The following PDSS2 variants were observed in gnomAD, a reference collection of about 807,000 sequenced individuals.
PDSS2 encodes decaprenyl diphosphate synthase subunit 2.
A neutral mutation model predicts 44.5 loss-of-function variants in PDSS2; 31 were observed. That is an observed-to-expected ratio of 0.70 (90% CI 0.52 to 0.94). The LOEUF (loss-of-function observed/expected upper bound fraction) is 0.94. Among genes scored for constraint, PDSS2 ranks in the 40% least tolerant of loss-of-function variants. The pLI, the probability that PDSS2 is intolerant of heterozygous loss-of-function variation, is 0.00. For missense variants in PDSS2, 452 were observed against 482.2 expected (o/e 0.94, Z 0.59); for synonymous variants, 157 against 180.3 (o/e 0.87, Z 1.03).
intron 2 of PDSS2, among the ~76,000 whole-genome samples, chr6:107,322,292 GGTGGATCACTTGAGGCCAGGAGTTT>G (rs2115177167): frequency 6.6e-6 from 1 of 152,100 alleles, no homozygotes; most frequent in South Asian, 2.1e-4. Flanking sequence ...GGCCAAGGCA[GGTGGATCACTTGAGGCCAGGAGTTT>G]GAGCCCAGCC....
rs1582743166 is a variant in PDSS2, at chr6:107,178,534, A to G, written c.1041+15288T>C. On this transcript the variant is annotated intron_variant, in intron 7 of 7. Coordinates refer to ENST00000369037, the MANE Select transcript of PDSS2 (RefSeq NM_020381.4). ...TTATCAGCTTAAAGTCACAATAATT[A>G]TTACACTGGTTCAGCAAACATAAAT... Among the ~76,000 whole-genome samples the G allele has an allele frequency of 5.9e-5, 9 of 152,362 alleles. No homozygotes were observed. The South Asian group carries it at 1.9e-3, about 32-fold the overall frequency.
intron 2 of PDSS2, among the ~76,000 whole-genome samples, chr6:107,326,135 C>T (rs1359712978): frequency 1.1e-4 from 16 of 142,294 alleles, no homozygotes; most frequent in Non-Finnish European, 2.1e-4. Context: ...CAGAGTCTTG[C>T]TCTGTTGCCC....
At chr6:107,301,519 T>C (rs966360275) in intron 2 of PDSS2, among the ~76,000 whole-genome samples, 1 of 152,174 alleles carries the variant, frequency 6.6e-6, no homozygotes, top group Admixed American at 6.5e-5. Context: ...TTTATATACC[T>C]TGGAGAACAC....
intron 1 of PDSS2, among the ~76,000 whole-genome samples, chr6:107,429,902 ATATAT>A (rs1211725065): frequency 0.055 from 2,471 of 44,580 alleles, 307 homozygotes; most frequent in Middle Eastern, 0.16. Flanking sequence ...AAAAAAAAAA[ATATAT>A]ATATATATAT....
At chr6:107,404,073 T>C (rs1231692595) in intron 1 of PDSS2, among the ~76,000 whole-genome samples, 1 of 152,208 alleles carries the variant, frequency 6.6e-6, no homozygotes, top group Non-Finnish European at 1.5e-5. Flanking sequence ...TAGAAATTTC[T>C]TCCACCAGAT....
intron 7 of PDSS2, among the ~76,000 whole-genome samples, chr6:107,174,280 G>A (rs1319180661): frequency 6.6e-6 from 1 of 152,180 alleles, no homozygotes; most frequent in Non-Finnish European, 1.5e-5. Flanking sequence ...ATGTGCTTCA[G>A]GGGACAGAAC....
At chr6:107,350,624 G>T (rs1246644356) in intron 1 of PDSS2, among the ~76,000 whole-genome samples, 1 of 152,056 alleles carries the variant, frequency 6.6e-6, no homozygotes, top group Admixed American at 6.6e-5. Flanking sequence ...AAAATAGTGA[G>T]ATCTCATCTC....
chr6:107,280,373 T>G (rs541522473), intron 2 of PDSS2, among the ~76,000 whole-genome samples: 27 of 152,306 alleles, frequency 1.8e-4, no homozygotes, highest in Non-Finnish European at 2.8e-4. Flanking sequence ...TCATGCTAAC[T>G]CTTGATTAGA....
intron 1 of PDSS2, among the ~76,000 whole-genome samples, chr6:107,392,502 T>C (rs1779815911): frequency 6.6e-6 from 1 of 152,232 alleles, no homozygotes; most frequent in Non-Finnish European, 1.5e-5. Flanking sequence ...CATTTTCTTA[T>C]TAGATACAAT....
At chr6:107,246,639 C>A (rs1468049402) in intron 3 of PDSS2, among the ~76,000 whole-genome samples, 1 of 152,128 alleles carries the variant, frequency 6.6e-6, no homozygotes, top group Non-Finnish European at 1.5e-5. Context: ...ATCTCAGGTA[C>A]CCTGGGTTTA....
At chr6:107,447,274 T>C (rs529592274) in intron 1 of PDSS2, among the ~76,000 whole-genome samples, 3 of 152,040 alleles carry the variant, frequency 2.0e-5, no homozygotes, top group South Asian at 4.2e-4. Flanking sequence ...AGGCAGAGCT[T>C]GCAGTGAGCC....
chr6:107,177,151 G>C (rs1262577374), intron 7 of PDSS2, among the ~76,000 whole-genome samples: 1 of 137,658 alleles, frequency 7.3e-6, no homozygotes, highest in Non-Finnish European at 1.5e-5. Context: ...TTTTTTTTGG[G>C]AGACAGGGTC....
rs561190363 is a variant in PDSS2 at position 107,223,175 on chromosome 6, C to T, written c.703-10893G>A. Among the ~76,000 whole-genome samples, 6 of 150,804 alleles carry T rather than the reference C, an allele frequency of 4.0e-5. No individual in the cohort carries two copies. In the South Asian group the frequency reaches 8.3e-4, roughly 21 times the overall value. On this transcript the variant is annotated intron_variant, in intron 4 of 7. Coordinates refer to ENST00000369037, the MANE Select transcript of PDSS2 (RefSeq NM_020381.4). ...CGAACTCCTGACCTCATGATCCGCC[C>T]GCCTCAGCCTCCCAAAGTGCTAGGA...
In PDSS2 at chr6:107,458,412, CAAAA is replaced by C. The variant is rs60758453; in HGVS notation, c.296+574_296+577del. ...TGGGCGACAAAGCGAGACTCCGTCT[CAAAA>C]AAAAAAAAAAAAAAAACTTTTATAA... On this transcript the variant is annotated intron_variant, in intron 1 of 7. Transcript: ENST00000369037. Among the ~76,000 whole-genome samples the C allele has an allele frequency of 0.013, 1,006 of 78,140 alleles. 59 individuals carry two copies. In the East Asian group the frequency reaches 0.13, roughly 10 times the overall value. 51.3% of individuals were successfully genotyped at this position (78,140 alleles called of 152,430 possible). A position where few individuals can be genotyped will look rare whatever the true frequency, so the allele number is the denominator to read the frequency against.
At chr6:107,304,180 T>C (rs1220662609) in intron 2 of PDSS2, among the ~76,000 whole-genome samples, 2 of 152,166 alleles carry the variant, frequency 1.3e-5, no homozygotes, top group Admixed American at 6.5e-5. Context: ...GTCTGTTCTA[T>C]GTGACCCTCA....
chr6:107,345,810 A>G (rs1353101314), intron 1 of PDSS2, among the ~76,000 whole-genome samples: 2 of 152,226 alleles, frequency 1.3e-5, no homozygotes, highest in South Asian at 4.1e-4. Flanking sequence ...TTATTTTTCC[A>G]GAATCAACAT....
chr6:107,300,075 C>T (rs987186657), intron 2 of PDSS2, among the ~76,000 whole-genome samples: 1 of 152,150 alleles, frequency 6.6e-6, no homozygotes, highest in Non-Finnish European at 1.5e-5. Context: ...CGGCCCAAAA[C>T]CCTACTAACT....
chr6:107,288,695 G>A (rs1776236448), intron 2 of PDSS2, among the ~76,000 whole-genome samples: 1 of 150,286 alleles, frequency 6.7e-6, no homozygotes. Context: ...GGTTTTTCTA[G>A]AGCAGTATGG....
chr6:107,155,494 TA>T (rs1346363387), intron 7 of PDSS2, among the ~76,000 whole-genome samples: 1 of 151,942 alleles, frequency 6.6e-6, no homozygotes, highest in African/African-American at 2.4e-5. Context: ...ATATCTTAGT[TA>T]ATAACTTTTT....
Sources: gnomAD v4.1 joint callset for allele counts (sites outside exome capture counted in the v4.1 genomes callset) on GRCh38, gnomAD v4.1.1 for gene constraint, MANE v1.5 for transcripts, NCBI Gene and HGNC (gene_info 2026-07-23, HGNC 2026-07-21) for gene names.